Variants in LIFR observed in about 807,000 individuals in gnomAD.
The protein encoded by LIFR is LIF receptor subunit alpha.
In LIFR, 84 loss-of-function variants were observed where a neutral mutation model predicts 122.2. The ratio of observed to expected loss-of-function variants is 0.69; its 90% CI spans 0.58 to 0.82. LIFR has a LOEUF of 0.82. Among genes scored for constraint, LIFR ranks in the 40% least tolerant of loss-of-function variants. The pLI is 0.00. For synonymous variants in LIFR, 422 were observed against 434.7 expected (o/e 0.97, Z 0.36); for missense variants, 1,294 against 1,311.6 (o/e 0.99, Z 0.21).
Position 38,476,541 on chromosome 5 carries a change from C to A in LIFR, c.*5054G>T. ...TGTTAGCTTTTTTTTTTTTAAAGTTCTGATTGGCTACTGTAAAGGCAATCT... is the reference window on the plus strand; with the variant it reads ...TGTTAGCTTTTTTTTTTTTAAAGTTATGATTGGCTACTGTAAAGGCAATCT... On this transcript the variant is annotated 3_prime_UTR_variant, in exon 20 of 20. Transcript: ENST00000453190. 1 of 199,010 alleles carries A rather than the reference C, an allele frequency of 5.0e-6. No individual in the cohort carries two copies. Among genetic ancestry groups the A allele is most frequent in the Non-Finnish European group, 1.0e-5 (1 of 98,336 alleles). The allele number at this position is 199,010 out of a possible 1,614,324, so 12.3% of individuals were successfully genotyped here.
At chr5:38,550,896 A>C (rs1156701115) in intron 1 of LIFR, among the ~76,000 whole-genome samples, 1 of 152,178 alleles carries the variant, frequency 6.6e-6, no homozygotes, top group Non-Finnish European at 1.5e-5. Context: ...ATGGATCTGA[A>C]GGGCCTTCCA....
chr5:38,563,783 C>A (rs1174570015), intron 1 of LIFR, among the ~76,000 whole-genome samples: 1 of 152,188 alleles, frequency 6.6e-6, no homozygotes, highest in African/African-American at 2.4e-5. Context: ...CACACGGTTA[C>A]TGACAACAGT....
At chr5:38,587,220 A>G (rs1749778793) in intron 1 of LIFR, among the ~76,000 whole-genome samples, 1 of 152,148 alleles carries the variant, frequency 6.6e-6, no homozygotes, top group Non-Finnish European at 1.5e-5. Context: ...CTAATGGGGA[A>G]CAGACATCCC....
chr5:38,523,247 A>G lies in LIFR; in HGVS notation c.561+172T>C, dbSNP rs974020522. On this transcript the variant is annotated intron_variant, in intron 5 of 19. Coordinates refer to ENST00000453190, the MANE Select transcript of LIFR (RefSeq NM_001127671.2). The stretch of plus-strand genomic sequence containing the variant: ...ATCTGTAATGGTTACACATCATTTA[A>G]TAATTAACAAGTGATTTTTAAATCA... Among the ~76,000 whole-genome samples the G allele has an allele frequency of 3.3e-5, 5 of 152,346 alleles. No homozygotes were observed. The South Asian group carries it at 8.3e-4, about 25-fold the overall frequency.
At chr5:38,587,425 G>A (rs1427146099) in intron 1 of LIFR, among the ~76,000 whole-genome samples, 1 of 151,602 alleles carries the variant, frequency 6.6e-6, no homozygotes, top group African/African-American at 2.4e-5. Flanking sequence ...ACAAGATGCT[G>A]TTGGACAAGA....
chr5:38,490,316 C>T (rs369130114), intron 14 of LIFR, 25 bp from the exon 15 acceptor site: 3 of 1,017,424 alleles, frequency 2.9e-6, no homozygotes, highest in Middle Eastern at 4.4e-4. Context: ...TATCAGCAAA[C>T]TTTCATAAAT....
chr5:38,492,379 C>CAG (rs1744641732), intron 14 of LIFR, among the ~76,000 whole-genome samples: 1 of 152,160 alleles, frequency 6.6e-6, no homozygotes, highest in Non-Finnish European at 1.5e-5. Flanking sequence ...CAGCCTATCC[C>CAG]AGTCCATCCT....
rs1743829347 is a variant in LIFR at position 38,478,544 on chromosome 5, T to G, written c.*3051A>C. The G allele has an allele frequency of 5.1e-6, 1 of 195,820 alleles. No individual in the cohort carries two copies. The highest frequency in any genetic ancestry group is 1.1e-5 in the Non-Finnish European group (1 of 94,054). The allele number at this position is 195,820 out of a possible 1,614,324, so 12.1% of individuals were successfully genotyped here. On this transcript the variant is annotated 3_prime_UTR_variant, in exon 20 of 20. Transcript: ENST00000453190. ...CATACATGTGCTAATCTATGCAATA[T>G]ATGATTCACAAGGTTCATCTAATGT... is the stretch of plus-strand genomic sequence containing the variant.
At chr5:38,514,636 A>G (rs910319688) in intron 5 of LIFR, among the ~76,000 whole-genome samples, 3 of 152,244 alleles carry the variant, frequency 2.0e-5, no homozygotes, top group African/African-American at 7.2e-5. Flanking sequence ...ATAGCAGAGA[A>G]TATCTACAAT....
chr5:38,602,766 C>T (rs1227810341), intron 2 of LIFR, among the ~76,000 whole-genome samples: 1 of 152,164 alleles, frequency 6.6e-6, no homozygotes, highest in African/African-American at 2.4e-5. Context: ...CTTCTTCCCC[C>T]ACCCACTAGG....
At chr5:38,557,371 T>C (rs1157685390), upstream of LIFR, 3 of 153,918 alleles carry the variant, frequency 1.9e-5, no homozygotes, top group Non-Finnish European at 4.4e-5. Context: ...CTCGGTTTTC[T>C]AGCAGAGTAA....
intron 5 of LIFR, 124 bp downstream of exon 5, chr5:38,523,295 C>T: frequency 2.7e-6 from 2 of 739,070 alleles, no homozygotes; most frequent in Non-Finnish European, 4.6e-6. Context: ...TTAATGAACC[C>T]TGAAAGGTAT....
At chr5:38,553,581 G>A (rs1229586328) in intron 1 of LIFR, among the ~76,000 whole-genome samples, 1 of 129,624 alleles carries the variant, frequency 7.7e-6, no homozygotes, top group Non-Finnish European at 1.6e-5. Context: ...TAAAAGGCAA[G>A]AGAATGCCTT....
At position 38,513,835 on chromosome 5, in the gene LIFR, G is replaced by A. The variant is rs1237228824; in HGVS notation, c.562-1871C>T. ...AAAAAAAAATTTTTAACAGCCCCTC[G>A]CTTAACTGTGAGCAGCAACCAGGAT... On this transcript the variant is annotated intron_variant, in intron 5 of 19. Coordinates refer to ENST00000453190, the MANE Select transcript of LIFR (RefSeq NM_001127671.2). 4.6e-5 allele frequency among the ~76,000 whole-genome samples: 7 copies of A among 151,912 alleles called. No individual in the cohort carries two copies. The South Asian group carries it at 1.0e-3, about 23-fold the overall frequency.
At position 38,483,469 on chromosome 5, in the gene LIFR, T is replaced by G. The variant is rs149880694; in HGVS notation, c.2592-802A>C. Among the ~76,000 whole-genome samples, 936 of 152,164 alleles carry G rather than the reference T, an allele frequency of 6.2e-3. 6 individuals are homozygous for G. The highest frequency in any genetic ancestry group is 0.014 in the South Asian group (69 of 4,808). The stretch of plus-strand genomic sequence containing the variant: ...ACAGAGTCTTGCACTGTTGCTAGGG[T>G]GGGGTGCAGTGGTGCAATCTTGACT... On this transcript the variant is annotated intron_variant, in intron 18 of 19. Transcript: ENST00000453190.
chr5:38,478,143 T>A lies in LIFR; in HGVS notation c.*3452A>T, dbSNP rs1008874431. Reference sequence around the variant, plus strand: ...ATAATTACCCAAATATAAAAAGGACTTGCAATGTTTGTTAAATATGGACGG... The same window carrying A: ...ATAATTACCCAAATATAAAAAGGACATGCAATGTTTGTTAAATATGGACGG... On this transcript the variant is annotated 3_prime_UTR_variant, in exon 20 of 20. Transcript: ENST00000453190. 1 of 208,514 alleles carries A rather than the reference T, an allele frequency of 4.8e-6. No individual in the cohort carries two copies. The highest frequency in any genetic ancestry group is 2.3e-5 in the African/African-American group (1 of 43,970). 12.9% of individuals were successfully genotyped at this position (208,514 alleles called of 1,614,324 possible).
intron 1 of LIFR, among the ~76,000 whole-genome samples, chr5:38,547,382 G>T (rs1325982234): frequency 6.6e-6 from 1 of 152,028 alleles, no homozygotes; most frequent in African/African-American, 2.4e-5. Flanking sequence ...AGCAAAAAAA[G>T]AAGTAAAATG....
At chr5:38,491,669 C>T (rs1474830660) in intron 14 of LIFR, among the ~76,000 whole-genome samples, 1 of 152,216 alleles carries the variant, frequency 6.6e-6, no homozygotes, top group African/African-American at 2.4e-5. Flanking sequence ...CAATTTGAGA[C>T]AGTAGTCAAC....
chr5:38,569,932 G>T lies in LIFR; in HGVS notation c.-20+25329C>A, dbSNP rs538604598. 3.9e-5 allele frequency among the ~76,000 whole-genome samples: 6 copies of T among 152,178 alleles called. No homozygotes were observed. In the South Asian group the frequency reaches 1.2e-3, roughly 32 times the overall value. Reference sequence around the variant, plus strand: ...GCCCTCATCATTTTATTCCCCCTTAGTTCTTTACAGCATTTAATATGGTGG... The same window carrying T: ...GCCCTCATCATTTTATTCCCCCTTATTTCTTTACAGCATTTAATATGGTGG... On this transcript the variant is annotated intron_variant, in intron 1 of 19. Coordinates refer to the LIFR transcript ENST00000263409.
Sources: gnomAD v4.1 joint callset for allele counts (sites outside exome capture counted in the v4.1 genomes callset) on GRCh38, gnomAD v4.1.1 for gene constraint, MANE v1.5 for transcripts, NCBI Gene and HGNC (gene_info 2026-07-23, HGNC 2026-07-21) for gene names.